The following SGSM1 variants were observed in gnomAD, a reference collection of about 807,000 sequenced individuals.
SGSM1 encodes small G protein signaling modulator 1, also known as RUN and TBC1 domain containing 2.
SGSM1 carries 73 observed loss-of-function variants against 133.8 expected under a neutral mutation model. The observed-to-expected ratio is 0.55, with a 90% CI of 0.45 to 0.66. The LOEUF (loss-of-function observed/expected upper bound fraction) is 0.66, where lower values mean the gene tolerates loss of function less well. Among genes scored for constraint, SGSM1 ranks in the 30% least tolerant of loss-of-function variants. SGSM1 has a pLI of 0.00. For synonymous variants in SGSM1, 563 were observed against 573.0 expected, an observed-to-expected ratio of 0.98 and a Z score of 0.25; for missense variants, 1,213 against 1,448.1, an observed-to-expected ratio of 0.84 and a Z score of 2.64.
chr22:24,892,746 A>C (rs893073258), intron 16 of SGSM1, among the ~76,000 whole-genome samples: 2 of 152,014 alleles, frequency 1.3e-5, no homozygotes, highest in Non-Finnish European at 2.9e-5. Flanking sequence ...TAAAAAAGAA[A>C]GAAACAGTCT....
At chr22:24,810,070 G>A (rs1434382947) in intron 2 of SGSM1, among the ~76,000 whole-genome samples, 5 of 152,176 alleles carry the variant, frequency 3.3e-5, no homozygotes, top group African/African-American at 4.8e-5. Context: ...AGACAAAGGA[G>A]AAAGGTGCAG....
rs1555937507 is a variant in SGSM1, at chr22:24,907,933, A to AAG, written c.2818+2747_2818+2748insGA. Among the ~76,000 whole-genome samples the AAG allele has an allele frequency of 1.3e-3, 140 of 109,942 alleles. 1 individual carries two copies. The East Asian group carries it at 0.032, about 25-fold the overall frequency. The allele number at this position is 109,942 out of a possible 152,430, so 72.1% of individuals were successfully genotyped here. A position where few individuals can be genotyped will look rare whatever the true frequency, so the allele number is the denominator to read the frequency against. On this transcript the variant is annotated intron_variant, in intron 21 of 24. Coordinates refer to ENST00000400358, the MANE Select transcript of SGSM1 (RefSeq NM_001098497.3). Reference sequence around the variant, plus strand: ...TCTCAAAAAAAAAAAAAAAAAAAAAAAAGATGTTGCAGGACTCACAGTACC... The same window carrying AAG: ...TCTCAAAAAAAAAAAAAAAAAAAAAAAGAAGATGTTGCAGGACTCACAGTACC...
intron 21 of SGSM1, 42 bp downstream of exon 21, chr22:24,905,229 C>T (rs769395816): frequency 1.4e-5 from 22 of 1,564,716 alleles, no homozygotes; most frequent in Non-Finnish European, 1.7e-5. Context: ...GGTGCATTTC[C>T]TTTCCACTGC....
intron 2 of SGSM1, among the ~76,000 whole-genome samples, chr22:24,817,797 G>A (rs1392308153): frequency 4.6e-5 from 7 of 152,226 alleles, no homozygotes; most frequent in Admixed American, 1.3e-4. Flanking sequence ...GAATTCTCTA[G>A]TGACTAGAAG....
Position 24,897,967 on chromosome 22 carries a change from C to T in SGSM1, c.2023-5C>T, listed in dbSNP as rs1360343945. 3 of 1,584,438 alleles carry T rather than the reference C, an allele frequency of 1.9e-6. No individual in the cohort carries two copies. The highest frequency in any genetic ancestry group is 2.3e-5 in the South Asian group (2 of 87,000). On this transcript the variant is annotated splice_polypyrimidine_tract_variant and splice_region_variant and intron_variant, in intron 18 of 24. Transcript: ENST00000400358. Reference sequence around the variant, plus strand: ...TCCATCTGTTTTTGTGCACCTTGTCCTCAGGTGTTTGAGTCTGTGGATGAG... The same window carrying T: ...TCCATCTGTTTTTGTGCACCTTGTCTTCAGGTGTTTGAGTCTGTGGATGAG...
intron 9 of SGSM1, among the ~76,000 whole-genome samples, chr22:24,862,277 C>T (rs1931200706): frequency 6.6e-6 from 1 of 152,088 alleles, no homozygotes; most frequent in African/African-American, 2.4e-5. Context: ...TCTAATCAGG[C>T]GACCATCATG....
intron 16 of SGSM1, 72 bp from the exon 17 acceptor site, chr22:24,893,359 T>A (rs1932847001): frequency 2.6e-6 from 4 of 1,525,526 alleles, no homozygotes; most frequent in Non-Finnish European, 3.6e-6. Flanking sequence ...GCCACTCTCT[T>A]CCACGTTGGT....
At chr22:24,847,889 T>G (rs1930240060) in intron 4 of SGSM1, 93 bp downstream of exon 4, 2 of 1,456,230 alleles carry the variant, frequency 1.4e-6, no homozygotes, top group African/African-American at 1.4e-5. Flanking sequence ...CCCCTAGCAC[T>G]CTTTTCAGTC....
In SGSM1 at chr22:24,884,007, G is replaced by A. The variant is rs1185027472; in HGVS notation, c.1496-46G>A. 4.6e-6 allele frequency: 7 copies of A among 1,536,038 alleles called. No individual in the cohort carries two copies. The South Asian group carries it at 7.4e-5, about 16-fold the overall frequency. On this transcript the variant is annotated intron_variant, in intron 14 of 24. Transcript: ENST00000400358. ...GGAAGTCCCATGAGACAAGGTGAGG[G>A]GCTTCAGGTGGTGGATGATGACACT...
At chr22:24,879,680 T>C (rs1409192107) in intron 14 of SGSM1, among the ~76,000 whole-genome samples, 154 bp downstream of exon 14, 2 of 152,222 alleles carry the variant, frequency 1.3e-5, no homozygotes, top group African/African-American at 4.8e-5. Flanking sequence ...CATGAACTTC[T>C]CTGAGCCTCA....
chr22:24,914,759 C>A (rs563876059), intron 22 of SGSM1, among the ~76,000 whole-genome samples: 2 of 152,246 alleles, frequency 1.3e-5, no homozygotes, highest in South Asian at 4.1e-4. Flanking sequence ...GCTCGTCAAC[C>A]ACGGGGCAGT....
intron 19 of SGSM1, among the ~76,000 whole-genome samples, chr22:24,898,914 C>T (rs1041784214): frequency 1.9e-4 from 29 of 149,506 alleles, no homozygotes; most frequent in African/African-American, 6.6e-4. Flanking sequence ...GTAGTACCAG[C>T]TACTTGGGAG....
At chr22:24,822,153 C>T (rs113781727) in intron 2 of SGSM1, among the ~76,000 whole-genome samples, 13,652 of 144,718 alleles carry the variant, frequency 0.094, 878 homozygotes, top group East Asian at 0.21. Context: ...TGCAGTGGCA[C>T]GATCTCGGCT....
intron 9 of SGSM1, among the ~76,000 whole-genome samples, chr22:24,860,720 G>T (rs1476501868): frequency 6.7e-6 from 1 of 150,172 alleles, no homozygotes; most frequent in African/African-American, 2.5e-5. Flanking sequence ...GGCCAACATG[G>T]TGAAACCCCA....
At chr22:24,893,001 G>A (rs564277651) in intron 16 of SGSM1, among the ~76,000 whole-genome samples, 2 of 150,098 alleles carry the variant, frequency 1.3e-5, no homozygotes, top group South Asian at 2.2e-4. Flanking sequence ...GCTGCAGTGA[G>A]TCAAGATTGT....
At chr22:24,839,584 T>C (rs2147823991) in intron 2 of SGSM1, among the ~76,000 whole-genome samples, 1 of 152,356 alleles carries the variant, frequency 6.6e-6, no homozygotes, top group South Asian at 2.1e-4. Flanking sequence ...TCATGTTTGG[T>C]AGAATTCAGC....
chr22:24,844,605 TAGAC>T, intron 2 of SGSM1: 1 of 408,384 alleles, frequency 2.4e-6, no homozygotes, highest in Non-Finnish European at 4.5e-6. Context: ...GGGTCTGCCT[TAGAC>T]AGTGTGGTCA....
intron 16 of SGSM1, among the ~76,000 whole-genome samples, chr22:24,892,884 TAAAA>T (rs71320793): frequency 8.4e-6 from 1 of 118,708 alleles, no homozygotes; most frequent in East Asian, 2.4e-4. Flanking sequence ...CCGTCTCTAC[TAAAA>T]AAAAAAAAAA....
At chr22:24,914,431 G>A (rs921069623) in intron 22 of SGSM1, among the ~76,000 whole-genome samples, 1 of 151,724 alleles carries the variant, frequency 6.6e-6, no homozygotes, top group Admixed American at 6.6e-5. Context: ...AGCCGAGATA[G>A]CCCCATTGCA....
Sources: gnomAD v4.1 joint callset for allele counts (sites outside exome capture counted in the v4.1 genomes callset) on GRCh38, gnomAD v4.1.1 for gene constraint, MANE v1.5 for transcripts, NCBI Gene and HGNC (gene_info 2026-07-23, HGNC 2026-07-21) for gene names.